The following DTNA variants were observed in gnomAD, a reference collection of about 807,000 sequenced individuals.
DTNA encodes dystrophin-related protein 3.
Under a neutral mutation model 100.7 loss-of-function variants are expected in DTNA, and 43 were observed. The observed-to-expected ratio is 0.43, with a 90% confidence interval of 0.33 to 0.55. DTNA has a LOEUF of 0.55. DTNA is among the 20% of genes least tolerant of loss of function. The pLI is 0.04. For missense variants in DTNA, 798 were observed against 953.9 expected, an observed-to-expected ratio of 0.84 and a Z score of 2.15; for synonymous variants, 349 against 347.9, an observed-to-expected ratio of 1.00 and a Z score of -0.04.
In DTNA at chr18:34,838,187, A is replaced by G. The variant is rs1356327075; in HGVS notation, c.1253+16A>G. 1.2e-6 allele frequency: 2 copies of G among 1,613,318 alleles called. No individual in the cohort carries two copies. The highest frequency in any genetic ancestry group is 1.7e-6 in the Non-Finnish European group (2 of 1,179,542). On this transcript the variant is annotated intron_variant, in intron 12 of 22. Coordinates refer to ENST00000444659, the MANE Select transcript of DTNA (RefSeq NM_001386795.1). ...AGGGCAAAGGGTAAGTTACAGCCAGAGTGTACTGGAACCCTGCATTAACTA... is the reference window on the plus strand; with the variant it reads ...AGGGCAAAGGGTAAGTTACAGCCAGGGTGTACTGGAACCCTGCATTAACTA...
At chr18:34,495,116 T>A (rs1262032265) in intron 1 of DTNA, among the ~76,000 whole-genome samples, 1 of 152,216 alleles carries the variant, frequency 6.6e-6, no homozygotes, top group African/African-American at 2.4e-5. Context: ...GGAGTCTAGT[T>A]GGGCTTTTCA....
chr18:34,722,730 C>A (rs908366790), intron 1 of DTNA, among the ~76,000 whole-genome samples: 3 of 152,082 alleles, frequency 2.0e-5, no homozygotes, highest in Non-Finnish European at 2.9e-5. Flanking sequence ...GTCCCTCCCC[C>A]ATCCCAAGCA....
At chr18:34,834,267 A>G (rs2096083113) in intron 11 of DTNA, among the ~76,000 whole-genome samples, 1 of 151,970 alleles carries the variant, frequency 6.6e-6, no homozygotes, top group African/African-American at 2.4e-5. Flanking sequence ...AGGCGACGGC[A>G]GGTAGATCGC....
chr18:34,629,173 CTT>C (rs764269750), intron 1 of DTNA, among the ~76,000 whole-genome samples: 16 of 152,128 alleles, frequency 1.1e-4, no homozygotes, highest in Non-Finnish European at 1.8e-4. Context: ...TACAGCTCAA[CTT>C]CAGCTTCAAT....
At chr18:34,708,388 TATC>T (rs2082376161), upstream of DTNA, among the ~76,000 whole-genome samples, 2 of 152,242 alleles carry the variant, frequency 1.3e-5, no homozygotes, top group Non-Finnish European at 2.9e-5. Flanking sequence ...TTTGAGAAAG[TATC>T]ATTAACAAAT....
In DTNA at chr18:34,637,809, G is replaced by C. The variant is rs1218596148; in HGVS notation, c.-1-118167G>C. ...CTCCATAGAAAGGGAAATAGAACCA[G>C]GGAGTTTCTTAAGATTCAGTCAGAA... On this transcript the variant is annotated intron_variant, in intron 1 of 19. Transcript: ENST00000283365. 2.6e-5 allele frequency among the ~76,000 whole-genome samples: 4 copies of C among 152,242 alleles called. No homozygotes were observed. The East Asian group carries it at 5.8e-4, about 22-fold the overall frequency.
intron 15 of DTNA, among the ~76,000 whole-genome samples, chr18:34,853,000 G>GGA (rs1348364520): frequency 1.3e-5 from 2 of 152,154 alleles, no homozygotes; most frequent in African/African-American, 4.8e-5. Context: ...GAGAACAGAG[G>GGA]CCATGGCTAA....
At chr18:34,614,253 C>T (rs1014973433) in intron 1 of DTNA, among the ~76,000 whole-genome samples, 3 of 152,196 alleles carry the variant, frequency 2.0e-5, no homozygotes, top group East Asian at 3.9e-4. Flanking sequence ...AATATTACTT[C>T]TCATTGACAA....
intron 1 of DTNA, among the ~76,000 whole-genome samples, chr18:34,659,770 C>T (rs1296907331): frequency 6.6e-6 from 1 of 152,180 alleles, no homozygotes; most frequent in Admixed American, 6.5e-5. Context: ...AGCCTGTTAT[C>T]TTGCGCATTA....
chr18:34,835,071 T>C (rs1335079026), intron 11 of DTNA, among the ~76,000 whole-genome samples: 1 of 152,188 alleles, frequency 6.6e-6, no homozygotes, highest in Non-Finnish European at 1.5e-5. Context: ...AGAGTGGCTA[T>C]TTTTGTCTTG....
At chr18:34,818,007 T>A in intron 7 of DTNA, 157 bp from the exon 8 acceptor site, 24 of 1,530,710 alleles carry the variant, frequency 1.6e-5, no homozygotes, top group Non-Finnish European at 2.1e-5. Context: ...GTTGTAAGAT[T>A]CCAGGAATGA....
chr18:34,530,973 G>A (rs1301671069), intron 1 of DTNA, among the ~76,000 whole-genome samples: 1 of 152,044 alleles, frequency 6.6e-6, no homozygotes, highest in Non-Finnish European at 1.5e-5. Flanking sequence ...AGCTACAGGT[G>A]CTTCAAGCAT....
rs1353184216 is a variant in DTNA at position 34,875,230 on chromosome 18, T to A, written c.1744-9T>A. The A allele has an allele frequency of 6.2e-7, 1 of 1,613,274 alleles. No homozygotes were observed. Among genetic ancestry groups the A allele is most frequent in the Admixed American group, 1.7e-5 (1 of 60,004 alleles). ...GAAAGCAAATTAATGACCTGCATTG[T>A]CTCTCCAGACTCAGGGGGCAGGCTC... is the stretch of plus-strand genomic sequence containing the variant. On this transcript the variant is annotated splice_polypyrimidine_tract_variant and intron_variant, in intron 17 of 22. Transcript: ENST00000444659.
chr18:34,526,724 G>C (rs1311962140), intron 1 of DTNA, among the ~76,000 whole-genome samples: 1 of 152,072 alleles, frequency 6.6e-6, no homozygotes, highest in African/African-American at 2.4e-5. Flanking sequence ...ATAAGAAGTT[G>C]ACCCTTCTAT....
chr18:34,499,623 T>C (rs2039675257), intron 1 of DTNA, among the ~76,000 whole-genome samples: 1 of 152,232 alleles, frequency 6.6e-6, no homozygotes, highest in African/African-American at 2.4e-5. Flanking sequence ...GTATCTTCGC[T>C]AGCATTTGGC....
chr18:34,529,911 A>T (rs1258153878), intron 1 of DTNA, among the ~76,000 whole-genome samples: 2 of 152,104 alleles, frequency 1.3e-5, no homozygotes, highest in Admixed American at 1.3e-4. Context: ...CTCTTAACCA[A>T]AGTTTTAGTA....
intron 1 of DTNA, among the ~76,000 whole-genome samples, chr18:34,541,388 C>T (rs558250067): frequency 1.3e-5 from 2 of 152,022 alleles, no homozygotes; most frequent in Non-Finnish European, 2.9e-5. Context: ...TGATAATCCC[C>T]ACGTGTCATG....
intron 1 of DTNA, among the ~76,000 whole-genome samples, chr18:34,738,166 G>C (rs1218938516): frequency 6.6e-6 from 1 of 152,148 alleles, no homozygotes; most frequent in Non-Finnish European, 1.5e-5. Flanking sequence ...GGGCCTGGGG[G>C]CCAGGTGGCT....
rs976563048 is a variant in DTNA, at chr18:34,867,526, T to C, written c.1743+3464T>C. 1.6e-5 allele frequency: 19 copies of C among 1,161,856 alleles called. No homozygotes were observed. In the African/African-American group the frequency reaches 2.1e-4, roughly 13 times the overall value. The allele number at this position is 1,161,856 out of a possible 1,614,324, so 72.0% of individuals were successfully genotyped here. ...GTAAAGAAAAATGCCTTCTTCATGA[T>C]ACTTCTCTGCAAATGGCTTCTTTCC... On this transcript the variant is annotated intron_variant, in intron 17 of 22. Coordinates refer to ENST00000444659, the MANE Select transcript of DTNA (RefSeq NM_001386795.1).
Sources: allele counts gnomAD v4.1 joint callset (sites outside exome capture counted in the v4.1 genomes callset), GRCh38; gene constraint gnomAD v4.1.1; transcripts MANE v1.5; gene names NCBI Gene and HGNC (gene_info 2026-07-23, HGNC 2026-07-21).